The following AP4S1 variants were observed in gnomAD, a reference collection of about 807,000 sequenced individuals.
The protein encoded by AP4S1 is AP-4 complex subunit sigma-1.
A neutral mutation model predicts 19.8 loss-of-function variants in AP4S1; 23 were observed. The ratio of observed to expected loss-of-function variants is 1.16; its 90% CI spans 0.84 to 1.65. The LOEUF (loss-of-function observed/expected upper bound fraction) is 1.65, where lower values mean the gene tolerates loss of function less well. Ranked by LOEUF, AP4S1 falls within the 40% of genes most tolerant of loss-of-function variation. The pLI, the probability that AP4S1 is intolerant of heterozygous loss-of-function variation, is 0.00. For missense variants in AP4S1, 166 were observed against 172.8 expected (o/e 0.96, Z 0.22); for synonymous variants, 46 against 54.1 (o/e 0.85, Z 0.66).
At chr14:31,025,819 C>G in intron 1 of AP4S1, 32 bp downstream of exon 1, 1 of 1,525,108 alleles carries the variant, frequency 6.6e-7, no homozygotes, top group South Asian at 1.2e-5. Context: ...AAGGCGCCGG[C>G]TCCGGCTGAG....
chr14:31,062,252 C>T (rs1415237298), intron 1 of AP4S1, among the ~76,000 whole-genome samples: 1 of 152,018 alleles, frequency 6.6e-6, no homozygotes. Context: ...GCGCCCACCA[C>T]CATGTCCAGC....
intron 4 of AP4S1, among the ~76,000 whole-genome samples, chr14:31,076,245 G>A (rs1346162106): frequency 1.3e-5 from 2 of 152,184 alleles, no homozygotes; most frequent in African/African-American, 4.8e-5. Context: ...TTTCCAAAGT[G>A]TTGGTGTGAT....
chr14:31,034,919 G>C (rs893783110), intron 1 of AP4S1, among the ~76,000 whole-genome samples: 2 of 151,782 alleles, frequency 1.3e-5, no homozygotes, highest in Non-Finnish European at 2.9e-5. Flanking sequence ...GAGCCACCGT[G>C]GCCAGCCCCA....
At chr14:31,055,747 A>G (rs1018799736) in intron 1 of AP4S1, among the ~76,000 whole-genome samples, 7 of 151,980 alleles carry the variant, frequency 4.6e-5, no homozygotes, top group Non-Finnish European at 1.0e-4. Context: ...TATTATTACA[A>G]TGTTATGATT....
intron 1 of AP4S1, among the ~76,000 whole-genome samples, chr14:31,036,609 T>A (rs932301516): frequency 2.0e-5 from 3 of 152,216 alleles, no homozygotes; most frequent in Non-Finnish European, 4.4e-5. Context: ...GTGAAGGGCC[T>A]GTCCTGCAAA....
At chr14:31,066,895 G>A (rs1167446027) in intron 2 of AP4S1, among the ~76,000 whole-genome samples, 1 of 152,082 alleles carries the variant, frequency 6.6e-6, no homozygotes, top group African/African-American at 2.4e-5. Flanking sequence ...TGGGGAAAAC[G>A]GAAATTAAGA....
intron 1 of AP4S1, among the ~76,000 whole-genome samples, chr14:31,046,251 C>T (rs1486954874): frequency 6.6e-6 from 1 of 152,048 alleles, no homozygotes; most frequent in African/African-American, 2.4e-5. Flanking sequence ...GCCTCCACAC[C>T]CAGCCAGAAG....
rs148378593 is a variant in AP4S1, at chr14:31,055,094, T to C, written c.-71-11032T>C. On this transcript the variant is annotated intron_variant, in intron 1 of 5. Transcript: ENST00000542754. Reference sequence around the variant, plus strand: ...TCAAGGTATATCTCTGTATATCATGTAAATAATTAAATATATATATTACAT... The same window carrying C: ...TCAAGGTATATCTCTGTATATCATGCAAATAATTAAATATATATATTACAT... Among the ~76,000 whole-genome samples, 736 of 150,150 alleles carry C rather than the reference T, an allele frequency of 4.9e-3. 7 individuals are homozygous for C. Among genetic ancestry groups the C allele is most frequent in the African/African-American group, 0.017 (690 of 41,102 alleles).
chr14:31,096,348 ACT>A lies in AP4S1; in HGVS notation c.*3314_*3315del, dbSNP rs1384576935. Reference sequence around the variant, plus strand: ...ATGTACAGTAGTCCCTCTCTTATCCACTGTTTCGCATTCTGTGGTTTGTGTTA... The same window carrying A: ...ATGTACAGTAGTCCCTCTCTTATCCAGTTTCGCATTCTGTGGTTTGTGTTA... On this transcript the variant is annotated 3_prime_UTR_variant, in exon 6 of 6. Coordinates refer to ENST00000542754, the MANE Select transcript of AP4S1 (RefSeq NM_001128126.3). 6 of 152,066 alleles carry A rather than the reference ACT, an allele frequency of 3.9e-5. No individual in the cohort carries two copies. The highest frequency in any genetic ancestry group is 1.5e-5 in the Non-Finnish European group (1 of 68,028). The allele number at this position is 152,066 out of a possible 1,614,324, so 9.4% of individuals were successfully genotyped here.
At chr14:31,084,653 G>T in intron 5 of AP4S1, 1 of 1,532,158 alleles carries the variant, frequency 6.5e-7, no homozygotes. Context: ...CCGCCCGGCT[G>T]AAGTGAGGCC....
At chr14:31,065,770 C>T (rs1381346095) in intron 1 of AP4S1, among the ~76,000 whole-genome samples, 1 of 152,172 alleles carries the variant, frequency 6.6e-6, no homozygotes, top group African/African-American at 2.4e-5. Context: ...ACACCATTCC[C>T]CTGCCTCAGC....
rs1373882400 is a variant in AP4S1 at position 31,026,503 on chromosome 14, C to T, written c.-72+716C>T. ...ACAGCATGCTGGGTAGCGAACGCAG[C>T]CTCACGCTTAATCGCCAAATAGAGT... On this transcript the variant is annotated intron_variant, in intron 1 of 5. Transcript: ENST00000542754. 2.0e-5 allele frequency: 6 copies of T among 307,676 alleles called. No individual in the cohort carries two copies. In the East Asian group the frequency reaches 2.5e-4, roughly 13 times the overall value. The allele number at this position is 307,676 out of a possible 1,614,324, so 19.1% of individuals were successfully genotyped here.
intron 5 of AP4S1, among the ~76,000 whole-genome samples, chr14:31,082,973 C>A (rs1887731566): frequency 6.6e-6 from 1 of 151,654 alleles, no homozygotes; most frequent in African/African-American, 2.4e-5. Context: ...CTTTAGGTAA[C>A]TGAGCTGAGT....
chr14:31,040,805 C>T (rs1885063050), intron 1 of AP4S1, among the ~76,000 whole-genome samples: 1 of 151,946 alleles, frequency 6.6e-6, no homozygotes, highest in Non-Finnish European at 1.5e-5. Flanking sequence ...TTCAGATATA[C>T]TACTAGAAAA....
intron 1 of AP4S1, among the ~76,000 whole-genome samples, chr14:31,049,428 A>AAAAAAATATAT (rs1384450221): frequency 5.2e-5 from 3 of 57,742 alleles, no homozygotes; most frequent in African/African-American, 7.9e-5. Flanking sequence ...AAAAAAAAAA[A>AAAAAAATATAT]ATATATATAT....
intron 1 of AP4S1, among the ~76,000 whole-genome samples, chr14:31,031,108 A>G (rs1261054702): frequency 6.6e-6 from 1 of 152,058 alleles, no homozygotes; most frequent in Non-Finnish European, 1.5e-5. Context: ...TTCTCCCTTC[A>G]ATTTCTCCTG....
intron 1 of AP4S1, among the ~76,000 whole-genome samples, chr14:31,048,792 T>C (rs1012647581): frequency 6.6e-6 from 1 of 152,074 alleles, no homozygotes; most frequent in Non-Finnish European, 1.5e-5. Context: ...AAAATAATGG[T>C]TCTTCCGTAT....
chr14:31,040,781 A>G (rs1885062214), intron 1 of AP4S1, among the ~76,000 whole-genome samples: 1 of 152,134 alleles, frequency 6.6e-6, no homozygotes, highest in Non-Finnish European at 1.5e-5. Flanking sequence ...AGCCACATGA[A>G]GCTTTATAAA....
intron 5 of AP4S1, 151 bp downstream of exon 5, chr14:31,080,735 C>T: frequency 9.3e-7 from 1 of 1,074,546 alleles, no homozygotes; most frequent in Middle Eastern, 2.0e-4. Context: ...TGTGTGTGTT[C>T]TGCAGAACTC....
Sources: gnomAD v4.1 joint callset for allele counts (sites outside exome capture counted in the v4.1 genomes callset) on GRCh38, gnomAD v4.1.1 for gene constraint, MANE v1.5 for transcripts, NCBI Gene and HGNC (gene_info 2026-07-23, HGNC 2026-07-21) for gene names.